ZNF92: variants seen among roughly 807,000 people sequenced by gnomAD.
ZNF92 encodes zinc finger protein 92.
Under a neutral mutation model 12.4 loss-of-function variants are expected in ZNF92, and 11 were observed. The ratio of observed to expected loss-of-function variants is 0.89; its 90% CI spans 0.56 to 1.47. The LOEUF is 1.47. Ranked by LOEUF, ZNF92 falls within the 40% of genes most tolerant of loss-of-function variation. The pLI, the probability that ZNF92 is intolerant of heterozygous loss-of-function variation, is 0.00. For missense variants in ZNF92, 622 were observed against 681.0 expected, an observed-to-expected ratio of 0.91 and a Z score of 0.96; for synonymous variants, 206 against 228.6, an observed-to-expected ratio of 0.90 and a Z score of 0.89.
rs367703194 is a variant in ZNF92, at chr7:65,399,515, C to G, written c.1401C>G (p.Thr467=). ...GCAAAGCCTTTAGTGTATTCTCAAC[C>G]CTTACTAAACATAAAATAATTCATA... is the stretch of plus-strand genomic sequence containing the variant. The part of the protein sequence containing the change: ...ECGKAFSVFS[T]LTKHKIIHTR... The change falls in exon 4 of 4, where the codon ACC becomes ACG. Residue 467 remains threonine (T), a synonymous_variant. Transcript: ENST00000328747. 4 of 1,612,412 alleles carry G rather than the reference C, an allele frequency of 2.5e-6. No homozygotes were observed. Among genetic ancestry groups the G allele is most frequent in the African/African-American group, 2.7e-5 (2 of 74,624 alleles).
At chr7:65,396,869 T>C (rs1359549050) in intron 3 of ZNF92, among the ~76,000 whole-genome samples, 1 of 152,130 alleles carries the variant, frequency 6.6e-6, no homozygotes, top group African/African-American at 2.4e-5. Context: ...CCTTACCTTT[T>C]ATTTTGGAAA....
chr7:65,382,125 C>G (rs1318068862), intron 1 of ZNF92, among the ~76,000 whole-genome samples: 1 of 152,018 alleles, frequency 6.6e-6, no homozygotes, highest in Non-Finnish European at 1.5e-5. Context: ...CGGATGGCCT[C>G]CCCAGTTGCC....
intron 1 of ZNF92, among the ~76,000 whole-genome samples, chr7:65,385,717 C>T (rs2116362718): frequency 6.6e-6 from 1 of 152,160 alleles, no homozygotes; most frequent in Non-Finnish European, 1.5e-5. Flanking sequence ...GACCTTCTGC[C>T]TGTGGGTGTG....
At chr7:65,387,441 C>A (rs2116369234) in intron 1 of ZNF92, among the ~76,000 whole-genome samples, 1 of 151,858 alleles carries the variant, frequency 6.6e-6, no homozygotes, top group East Asian at 1.9e-4. Context: ...TCTTCTTGGG[C>A]AAAAATCATT....
chr7:65,395,278 C>G (rs1793817567), intron 3 of ZNF92, among the ~76,000 whole-genome samples: 1 of 152,098 alleles, frequency 6.6e-6, no homozygotes, highest in African/African-American at 2.4e-5. Context: ...TGGCCTCAAA[C>G]TTCTGGCTTT....
chr7:65,396,712 A>T (rs1793855806), intron 3 of ZNF92, among the ~76,000 whole-genome samples: 1 of 152,042 alleles, frequency 6.6e-6, no homozygotes. Context: ...GCAATGTCTC[A>T]CTATGTTGCT....
intron 1 of ZNF92, among the ~76,000 whole-genome samples, chr7:65,387,361 CTTTG>C (rs1408094510): frequency 6.6e-6 from 1 of 152,042 alleles, no homozygotes; most frequent in Non-Finnish European, 1.5e-5. Context: ...AGGCTCTCGT[CTTTG>C]TTTATGGGTC....
In ZNF92 at chr7:65,377,845, G is replaced by A. The variant is rs759502936; in HGVS notation, c.3+3845G>A. On this transcript the variant is annotated intron_variant, in intron 1 of 3. Transcript: ENST00000328747. ...CTCCCAAAGTGTTGGGATTACAGGC[G>A]TGAGCCACTGCGCCCAGCCTGGCAG... 2.8e-4 allele frequency among the ~76,000 whole-genome samples: 43 copies of A among 152,120 alleles called. 1 individual carries two copies. Among genetic ancestry groups the A allele is most frequent in the Non-Finnish European group, 2.2e-4 (15 of 68,026 alleles).
chr7:65,389,226 C>T (rs1793650427), intron 3 of ZNF92, among the ~76,000 whole-genome samples: 1 of 152,008 alleles, frequency 6.6e-6, no homozygotes, highest in Non-Finnish European at 1.5e-5. Context: ...TCCAAAAGTG[C>T]TGGGATTACA....
chr7:65,383,875 A>G (rs1224568185), intron 1 of ZNF92, among the ~76,000 whole-genome samples: 1 of 152,074 alleles, frequency 6.6e-6, no homozygotes, highest in Non-Finnish European at 1.5e-5. Flanking sequence ...CCCTCTCACA[A>G]TCACCTAGGC....
chr7:65,399,660 A>C lies in ZNF92; in HGVS notation c.1546A>C (p.Asn516His). The C allele has an allele frequency of 6.2e-7, 1 of 1,613,322 alleles. No homozygotes were observed. Among genetic ancestry groups the C allele is most frequent in the Non-Finnish European group, 8.5e-7 (1 of 1,179,400 alleles). ...GKSYKCEKCG[N>H]AFNQSSNLTA... ...ATCCTACAAATGTGAAAAATGTGGCAATGCTTTTAACCAGTCCTCAAACCT... is the reference window on the plus strand; with the variant it reads ...ATCCTACAAATGTGAAAAATGTGGCCATGCTTTTAACCAGTCCTCAAACCT... The change falls in exon 4 of 4, where the codon AAT (asparagine) becomes CAT (histidine). Residue 516 changes from asparagine to histidine, a missense_variant. Transcript: ENST00000328747.
chr7:65,374,879 C>T (rs1168491722), intron 1 of ZNF92, among the ~76,000 whole-genome samples: 1 of 152,074 alleles, frequency 6.6e-6, no homozygotes, highest in East Asian at 1.9e-4. Context: ...CCTCATTCCT[C>T]CAGCTTAATT....
chr7:65,378,009 G>T (rs1253326511), intron 1 of ZNF92, among the ~76,000 whole-genome samples: 2 of 152,128 alleles, frequency 1.3e-5, no homozygotes, highest in African/African-American at 2.4e-5. Context: ...TCTTTCATAG[G>T]AGCAAACAAG....
At chr7:65,397,953 A>G (rs9987034) in intron 3 of ZNF92, among the ~76,000 whole-genome samples, 151,010 of 151,040 alleles carry the variant, frequency 1, 75,490 homozygotes, top group Middle Eastern at 1. Flanking sequence ...CTAGAGGCCA[A>G]AAATAAAGAT....
At chr7:65,392,121 T>C (rs1793732163) in intron 3 of ZNF92, among the ~76,000 whole-genome samples, 1 of 152,126 alleles carries the variant, frequency 6.6e-6, no homozygotes, top group South Asian at 2.1e-4. Context: ...CAGCCATATG[T>C]CCATCATAGT....
At chr7:65,382,214 T>C (rs541066829) in intron 1 of ZNF92, among the ~76,000 whole-genome samples, 1 of 152,154 alleles carries the variant, frequency 6.6e-6, no homozygotes, top group African/African-American at 2.4e-5. Context: ...TGACCGTCTT[T>C]CTGTCTTTGC....
In ZNF92 at chr7:65,387,977, A is replaced by G. The variant is rs755893626; in HGVS notation, c.79A>G (p.Asn27Asp). The G allele has an allele frequency of 6.2e-6, 10 of 1,608,804 alleles. No homozygotes were observed. The African/African-American group carries it at 1.1e-4, about 17-fold the overall frequency. ...EWQCLDTAQR[N>D]LYRDVMLENY... is the part of the protein sequence containing the mutation. ...GCAATGCCTGGACACTGCGCAGCGG[A>G]ATTTATATAGAGATGTGATGTTAGA... The change falls in exon 2 of 4, where the codon AAT becomes GAT. Residue 27 changes from asparagine to aspartate, a missense_variant. Coordinates refer to ENST00000328747, the MANE Select transcript of ZNF92 (RefSeq NM_152626.4).
Position 65,399,511 on chromosome 7 carries a change from C to G in ZNF92, c.1397C>G (p.Ser466Ter). ...TGTGGCAAAGCCTTTAGTGTATTCTCAACCCTTACTAAACATAAAATAATT... is the reference window on the plus strand; with the variant it reads ...TGTGGCAAAGCCTTTAGTGTATTCTGAACCCTTACTAAACATAAAATAATT... ...EECGKAFSVF[S>*]TLTKHKIIHT... The change falls in exon 4 of 4, where the codon TCA becomes TGA. Residue 466 changes from serine to a stop codon, truncating the protein, a stop_gained. Transcript: ENST00000328747. LOFTEE classifies it low-confidence loss of function (END_TRUNC). 6.2e-7 allele frequency: 1 copy of G among 1,613,408 alleles called. No individual in the cohort carries two copies. The highest frequency in any genetic ancestry group is 1.1e-5 in the South Asian group (1 of 91,028).
At chr7:65,378,260 C>G (rs1165762772) in intron 1 of ZNF92, among the ~76,000 whole-genome samples, 2 of 149,788 alleles carry the variant, frequency 1.3e-5, no homozygotes, top group African/African-American at 2.5e-5. Flanking sequence ...CGTTACTGCA[C>G]TCCAGCCTGG....
Sources: gnomAD v4.1 joint callset for allele counts (sites outside exome capture counted in the v4.1 genomes callset) on GRCh38, gnomAD v4.1.1 for gene constraint, MANE v1.5 for transcripts, NCBI Gene and HGNC (gene_info 2026-07-23, HGNC 2026-07-21) for gene names.